ST7: variants seen among roughly 807,000 people sequenced by gnomAD.
ST7 encodes suppressor of tumorigenicity 7 protein.
A neutral mutation model predicts 78.7 loss-of-function variants in ST7; 28 were observed. The observed-to-expected ratio is 0.36, with a 90% CI of 0.26 to 0.49. The LOEUF (loss-of-function observed/expected upper bound fraction) is 0.49, where lower values mean the gene tolerates loss of function less well. Ranked by LOEUF, ST7 falls within the 20% of genes least tolerant of loss-of-function variation. The pLI, the probability that ST7 is intolerant of heterozygous loss-of-function variation, is 0.99. For synonymous variants in ST7, 247 were observed against 249.6 expected, an observed-to-expected ratio of 0.99 and a Z score of 0.10; for missense variants, 418 against 696.0, an observed-to-expected ratio of 0.60 and a Z score of 4.49.
chr7:116,970,418 C>G (rs1793357541), intron 1 of ST7, among the ~76,000 whole-genome samples: 1 of 152,172 alleles, frequency 6.6e-6, no homozygotes, highest in Non-Finnish European at 1.5e-5. Context: ...ACGTACAGTT[C>G]TGGAGGCTGG....
chr7:117,045,368 A>T (rs951835625), intron 1 of ST7, among the ~76,000 whole-genome samples: 2 of 152,154 alleles, frequency 1.3e-5, no homozygotes, highest in Admixed American at 6.5e-5. Context: ...AGCTCTAGTC[A>T]CATAGGCCTG....
At chr7:116,968,876 T>C (rs1793274363) in intron 1 of ST7, among the ~76,000 whole-genome samples, 1 of 152,108 alleles carries the variant, frequency 6.6e-6, no homozygotes, top group African/African-American at 2.4e-5. Flanking sequence ...GTGTGACAGA[T>C]GGGAGGGTGA....
At chr7:117,124,387 C>G (rs1196986413) in intron 3 of ST7, among the ~76,000 whole-genome samples, 1 of 152,090 alleles carries the variant, frequency 6.6e-6, no homozygotes, top group Non-Finnish European at 1.5e-5. Context: ...GTGAAGTAAT[C>G]TGTCCAGGGT....
intron 15 of ST7, among the ~76,000 whole-genome samples, chr7:117,222,406 A>G (rs1379805935): frequency 2.0e-5 from 3 of 152,228 alleles, no homozygotes; most frequent in Non-Finnish European, 4.4e-5. Context: ...CATTATTTCC[A>G]ATCGTTGGAT....
At chr7:117,208,961 A>AG (rs1375978529) in intron 12 of ST7, among the ~76,000 whole-genome samples, 13 of 148,724 alleles carry the variant, frequency 8.7e-5, no homozygotes, top group African/African-American at 3.3e-4. Flanking sequence ...TGGATCCAGG[A>AG]GGGGAGAATG....
chr7:116,995,863 T>A (rs1263175255), intron 1 of ST7, among the ~76,000 whole-genome samples: 6 of 152,202 alleles, frequency 3.9e-5, no homozygotes, highest in Non-Finnish European at 8.8e-5. Context: ...TGTTAGCAAC[T>A]AATTAAAATT....
chr7:117,135,303 A>G (rs1015355633), intron 7 of ST7, among the ~76,000 whole-genome samples: 2 of 152,100 alleles, frequency 1.3e-5, no homozygotes, highest in East Asian at 1.9e-4. Context: ...ATGAGATGAT[A>G]TATGTTAAGT....
At chr7:117,102,081 C>G (rs1405342310) in intron 2 of ST7, among the ~76,000 whole-genome samples, 4 of 152,158 alleles carry the variant, frequency 2.6e-5, no homozygotes, top group Non-Finnish European at 5.9e-5. Flanking sequence ...AGCTATAAAG[C>G]TGGTCACTAA....
At chr7:116,990,816 T>C (rs1794393104) in intron 1 of ST7, among the ~76,000 whole-genome samples, 1 of 152,220 alleles carries the variant, frequency 6.6e-6, no homozygotes, top group African/African-American at 2.4e-5. Context: ...TATACTTTAC[T>C]AATGTCTTTC....
chr7:117,049,694 T>C (rs946711052), intron 1 of ST7, among the ~76,000 whole-genome samples: 1 of 152,230 alleles, frequency 6.6e-6, no homozygotes, highest in Non-Finnish European at 1.5e-5. Context: ...TTGTTTTCTT[T>C]GTTTTACAAT....
intron 1 of ST7, among the ~76,000 whole-genome samples, chr7:117,022,100 C>T (rs540642098): frequency 6.6e-6 from 1 of 152,282 alleles, no homozygotes; most frequent in Non-Finnish European, 1.5e-5. Context: ...CTCAGTGTTA[C>T]CAAGCAGACA....
chr7:117,056,542 G>A (rs1798073266), intron 1 of ST7, among the ~76,000 whole-genome samples: 1 of 152,094 alleles, frequency 6.6e-6, no homozygotes, highest in African/African-American at 2.4e-5. Context: ...GCCTGAGGCA[G>A]GAGAATCACT....
chr7:117,058,102 G>C (rs1222340823), intron 1 of ST7, among the ~76,000 whole-genome samples: 2 of 152,146 alleles, frequency 1.3e-5, no homozygotes, highest in African/African-American at 4.8e-5. Flanking sequence ...GCTAGTGAGT[G>C]TCAAGAGAAT....
intron 1 of ST7, among the ~76,000 whole-genome samples, chr7:116,969,265 A>T (rs1286435969): frequency 6.6e-6 from 1 of 152,078 alleles, no homozygotes; most frequent in Non-Finnish European, 1.5e-5. Flanking sequence ...GAGGAGTATC[A>T]TATCTCCCTA....
intron 14 of ST7, among the ~76,000 whole-genome samples, chr7:117,220,429 C>T (rs1261242323): frequency 1.3e-5 from 2 of 152,204 alleles, no homozygotes; most frequent in Non-Finnish European, 2.9e-5. Flanking sequence ...TTTCAACTCC[C>T]CCTTCAGGGA....
intron 1 of ST7, among the ~76,000 whole-genome samples, chr7:117,094,543 G>A (rs1242868782): frequency 2.0e-5 from 3 of 152,208 alleles, no homozygotes; most frequent in Non-Finnish European, 4.4e-5. Context: ...CAGGGGCAGT[G>A]CTCTGTAAGC....
chr7:117,087,146 G>T (rs957942041), intron 1 of ST7, among the ~76,000 whole-genome samples: 16 of 152,118 alleles, frequency 1.1e-4, no homozygotes, highest in Non-Finnish European at 2.9e-5. Flanking sequence ...GATCAGATTT[G>T]AATTTTACTA....
At chr7:116,988,104 G>A (rs1005216374) in intron 1 of ST7, among the ~76,000 whole-genome samples, 3 of 152,186 alleles carry the variant, frequency 2.0e-5, no homozygotes, top group African/African-American at 7.2e-5. Context: ...TAGTTCAGGA[G>A]TACTGGCTGA....
At chr7:117,051,148 C>T (rs988645652) in intron 1 of ST7, among the ~76,000 whole-genome samples, 1 of 152,190 alleles carries the variant, frequency 6.6e-6, no homozygotes, top group African/African-American at 2.4e-5. Flanking sequence ...TTCATTAAAA[C>T]TTACTGTGTT....
Sources: gnomAD v4.1 joint callset for allele counts (sites outside exome capture counted in the v4.1 genomes callset) on GRCh38, gnomAD v4.1.1 for gene constraint, MANE v1.5 for transcripts, NCBI Gene and HGNC (gene_info 2026-07-23, HGNC 2026-07-21) for gene names.